The following UIMC1 variants were observed in gnomAD, a reference collection of about 807,000 sequenced individuals.
The protein encoded by UIMC1 is ubiquitin interaction motif containing 1, also known as BRCA1-A complex subunit RAP80.
In UIMC1, 42 loss-of-function variants were observed where a neutral mutation model predicts 84.9. The ratio of observed to expected loss-of-function variants is 0.49; its 90% CI spans 0.39 to 0.64. The LOEUF (loss-of-function observed/expected upper bound fraction) is 0.64, where lower values mean the gene tolerates loss of function less well. Among genes scored for constraint, UIMC1 ranks in the 30% least tolerant of loss-of-function variants. UIMC1 has a pLI of 0.00. For synonymous variants in UIMC1, 281 were observed against 293.0 expected (o/e 0.96, Z 0.42); for missense variants, 825 against 847.6 (o/e 0.97, Z 0.33).
At chr5:176,975,532 T>C in intron 2 of UIMC1, 52 bp from the exon 3 acceptor site, 5 of 1,582,894 alleles carry the variant, frequency 3.2e-6, no homozygotes, top group Non-Finnish European at 4.3e-6. Flanking sequence ...AAAGTAGTGA[T>C]TTCTCTCTCT....
chr5:176,993,180 C>CAAAAAAA (rs71299776), intron 1 of UIMC1, among the ~76,000 whole-genome samples: 1 of 127,634 alleles, frequency 7.8e-6, no homozygotes, highest in Non-Finnish European at 1.6e-5. Flanking sequence ...GACTCCATCT[C>CAAAAAAA]AAAAAAAAAA....
rs1252882619 is a variant in UIMC1, at chr5:177,005,889, C to T, written c.-9+761G>A. On this transcript the variant is annotated intron_variant, in intron 1 of 14. Transcript: ENST00000511320. ...GCCCCGTTAACTGAGCGGCAGGGCA[C>T]CAGCCCGCCGGCTGTGGCGCTCGAG... 2.0e-5 allele frequency among the ~76,000 whole-genome samples: 3 copies of T among 152,152 alleles called. No individual in the cohort carries two copies. The East Asian group carries it at 5.8e-4, about 29-fold the overall frequency.
chr5:176,980,609 T>C (rs1467701551), intron 2 of UIMC1, among the ~76,000 whole-genome samples: 1 of 152,218 alleles, frequency 6.6e-6, no homozygotes, highest in Non-Finnish European at 1.5e-5. Flanking sequence ...CATTTTCATT[T>C]CATATCTTTC....
At chr5:176,938,107 T>C (rs560578801) in intron 10 of UIMC1, among the ~76,000 whole-genome samples, 1 of 150,568 alleles carries the variant, frequency 6.6e-6, no homozygotes, top group Admixed American at 6.7e-5. Flanking sequence ...GAAGGATCAC[T>C]TGAGCCTGGG....
chr5:177,011,712 G>A (rs1304819932), upstream of UIMC1, among the ~76,000 whole-genome samples: 2 of 152,184 alleles, frequency 1.3e-5, no homozygotes, highest in African/African-American at 2.4e-5. Context: ...ACGGTGAAAA[G>A]AGTTCTGGAG....
intron 10 of UIMC1, among the ~76,000 whole-genome samples, chr5:176,935,570 A>G (rs763745958): frequency 1.3e-5 from 2 of 152,176 alleles, no homozygotes; most frequent in East Asian, 1.9e-4. Flanking sequence ...ACAATTGTCA[A>G]TATCTCAGTA....
At chr5:176,918,711 G>T (rs562870194) in intron 10 of UIMC1, among the ~76,000 whole-genome samples, 247 of 152,104 alleles carry the variant, frequency 1.6e-3, no homozygotes, top group African/African-American at 5.7e-3. Flanking sequence ...ATCTTTTCAC[G>T]ATTACCCTGT....
At chr5:176,992,830 T>C (rs572694441) in intron 1 of UIMC1, among the ~76,000 whole-genome samples, 9 of 151,372 alleles carry the variant, frequency 5.9e-5, no homozygotes, top group East Asian at 2.0e-4. Context: ...AAAGCCACCA[T>C]AGAATGGAAG....
At chr5:176,950,488 G>A (rs1252550392) in intron 9 of UIMC1, among the ~76,000 whole-genome samples, 2 of 151,986 alleles carry the variant, frequency 1.3e-5, no homozygotes, top group African/African-American at 4.8e-5. Flanking sequence ...TTGGCTCTCA[G>A]GTTGCTTGTG....
chr5:177,005,372 T>C (rs909684170), intron 1 of UIMC1, among the ~76,000 whole-genome samples: 4 of 152,036 alleles, frequency 2.6e-5, no homozygotes, highest in Non-Finnish European at 1.5e-5. Context: ...ACCAGGCCCG[T>C]CGACCAAGCG....
intron 1 of UIMC1, among the ~76,000 whole-genome samples, chr5:177,013,574 G>A (rs1250650416): frequency 3.3e-5 from 5 of 151,986 alleles, no homozygotes; most frequent in African/African-American, 7.3e-5. Context: ...CTCCAAAGAC[G>A]TATTCTAGCC....
In UIMC1 at chr5:176,978,177, C is replaced by T. The variant is rs1770443202; in HGVS notation, c.148-2697G>A. 2.0e-5 allele frequency among the ~76,000 whole-genome samples: 3 copies of T among 151,892 alleles called. No individual in the cohort carries two copies. The South Asian group carries it at 6.2e-4, about 32-fold the overall frequency. ...ACGAGGTCAGGAGATCGAGACCATCCTGGCTACCACAGTGAAACCCCGTCT... is the reference window on the plus strand; with the variant it reads ...ACGAGGTCAGGAGATCGAGACCATCTTGGCTACCACAGTGAAACCCCGTCT... On this transcript the variant is annotated intron_variant, in intron 2 of 14. Transcript: ENST00000511320.
rs182794240 is a variant in UIMC1 at position 176,945,723 on chromosome 5, G to A, written c.1444-2235C>T. On this transcript the variant is annotated intron_variant, in intron 9 of 14. Coordinates refer to ENST00000511320, the MANE Select transcript of UIMC1 (RefSeq NM_001199298.2). ...AACGCCCTCATCTTGCCACAGCTCC[G>A]CTAGGCCTCTTTAGGGTTAAGCCAT... 5.6e-3 allele frequency among the ~76,000 whole-genome samples: 852 copies of A among 152,272 alleles called. 4 individuals are homozygous for A. The highest frequency in any genetic ancestry group is 0.011 in the African/African-American group (460 of 41,550).
At chr5:176,933,847 T>C (rs879612762) in intron 10 of UIMC1, among the ~76,000 whole-genome samples, 6 of 152,016 alleles carry the variant, frequency 3.9e-5, no homozygotes, top group Admixed American at 2.0e-4. Flanking sequence ...TAGATGTTTA[T>C]CTTTAATAGA....
chr5:176,990,964 G>A (rs889372856), intron 1 of UIMC1, among the ~76,000 whole-genome samples: 1 of 151,954 alleles, frequency 6.6e-6, no homozygotes, highest in African/African-American at 2.4e-5. Context: ...AAGCCATCAT[G>A]ACTAATCAAG....
chr5:176,926,687 G>C (rs372481488), intron 10 of UIMC1, among the ~76,000 whole-genome samples: 11 of 152,054 alleles, frequency 7.2e-5, no homozygotes, highest in African/African-American at 2.2e-4. Context: ...AAAGTATTTA[G>C]AGGTAAAGTG....
rs1300523928 is a variant in UIMC1 at position 176,978,650 on chromosome 5, A to G, written c.148-3170T>C. 2.0e-5 allele frequency among the ~76,000 whole-genome samples: 3 copies of G among 152,158 alleles called. No homozygotes were observed. In the East Asian group the frequency reaches 5.8e-4, roughly 29 times the overall value. On this transcript the variant is annotated intron_variant, in intron 2 of 14. Coordinates refer to ENST00000511320, the MANE Select transcript of UIMC1 (RefSeq NM_001199298.2). Reference sequence around the variant, plus strand: ...ATATATTGAGAAAAAAATCAATATTATATTAACATAACACATCATGACCAA... The same window carrying G: ...ATATATTGAGAAAAAAATCAATATTGTATTAACATAACACATCATGACCAA...
chr5:176,990,677 T>G (rs1424994299), intron 1 of UIMC1, among the ~76,000 whole-genome samples: 2 of 152,186 alleles, frequency 1.3e-5, no homozygotes, highest in African/African-American at 4.8e-5. Context: ...TTTATATTTA[T>G]GTTTTTGTTT....
rs1043930 is a variant in UIMC1 at position 176,908,649 on chromosome 5, C to T, written c.1722G>A (p.Glu574=). 5 of 1,614,208 alleles carry T rather than the reference C, an allele frequency of 3.1e-6. No homozygotes were observed. The East Asian group carries it at 6.7e-5, about 22-fold the overall frequency. ...YLCKSLVPFR[E]YQCHVDSCLQ... ...GACAGGAGTCCACATGACACTGATA[C>T]TCTCTAAATGGGACCAGGGATTTAC... Residue 574 remains glutamate, a synonymous_variant, in exon 12 of 15, where the codon GAG becomes GAA. Coordinates refer to ENST00000511320, the MANE Select transcript of UIMC1 (RefSeq NM_001199298.2).
Sources: allele counts gnomAD v4.1 joint callset (sites outside exome capture counted in the v4.1 genomes callset), GRCh38; gene constraint gnomAD v4.1.1; transcripts MANE v1.5; gene names NCBI Gene and HGNC (gene_info 2026-07-23, HGNC 2026-07-21).